The following SATB2 variants were observed in gnomAD, a reference collection of about 807,000 sequenced individuals.
The protein encoded by SATB2 is SATB homeobox 2.
A neutral mutation model predicts 73.4 loss-of-function variants in SATB2; 1 was observed. The ratio of observed to expected loss-of-function variants is 0.01; its 90% CI spans 0.00 to 0.06. SATB2 has a LOEUF of 0.06. Among genes scored for constraint, SATB2 ranks in the 10% least tolerant of loss-of-function variants. The pLI, the probability that SATB2 is intolerant of heterozygous loss-of-function variation, is 1.00. For synonymous variants in SATB2, 397 were observed against 367.0 expected (o/e 1.08, Z -0.93); for missense variants, 459 against 945.8 (o/e 0.49, Z 6.75).
intron 3 of SATB2, among the ~76,000 whole-genome samples, chr2:199,402,110 G>A (rs1372334491): frequency 6.6e-6 from 1 of 152,096 alleles, no homozygotes; most frequent in Non-Finnish European, 1.5e-5. Context: ...TTATTGGCTG[G>A]GCACGGTGGC....
chr2:199,466,527 A>G (rs1173648883), upstream of SATB2, among the ~76,000 whole-genome samples: 3 of 152,126 alleles, frequency 2.0e-5, no homozygotes, highest in South Asian at 4.1e-4. Flanking sequence ...GGAAGTTGAG[A>G]TCAGTGGCAG....
intron 10 of SATB2, among the ~76,000 whole-genome samples, chr2:199,301,351 C>T (rs1051932456): frequency 3.9e-5 from 6 of 152,016 alleles, no homozygotes; most frequent in East Asian, 3.9e-4. Flanking sequence ...TATTCTTCTA[C>T]CCTGGTAACT....
At chr2:199,367,707 T>C (rs1388816930) in intron 6 of SATB2, among the ~76,000 whole-genome samples, 1 of 152,138 alleles carries the variant, frequency 6.6e-6, no homozygotes, top group Non-Finnish European at 1.5e-5. Flanking sequence ...ATGCAAAACA[T>C]GGACTGGAAG....
At chr2:199,297,929 T>G (rs936630172) in intron 10 of SATB2, among the ~76,000 whole-genome samples, 3 of 67,736 alleles carry the variant, frequency 4.4e-5, no homozygotes, top group African/African-American at 1.1e-4. Context: ...TTATAATAAC[T>G]TTTAAAAAAA....
intron 7 of SATB2, among the ~76,000 whole-genome samples, chr2:199,334,958 G>C (rs1258471283): frequency 1.3e-5 from 2 of 151,992 alleles, no homozygotes; most frequent in African/African-American, 4.8e-5. Flanking sequence ...CCTGGGTTCT[G>C]TATTCATAAT....
intron 8 of SATB2, among the ~76,000 whole-genome samples, chr2:199,327,975 T>C (rs957198338): frequency 3.3e-5 from 5 of 152,152 alleles, no homozygotes; most frequent in Non-Finnish European, 7.4e-5. Context: ...CAGCCACCTC[T>C]ACCCCATCCA....
chr2:199,452,647 G>A (rs1284822870), intron 2 of SATB2, among the ~76,000 whole-genome samples: 1 of 152,110 alleles, frequency 6.6e-6, no homozygotes. Flanking sequence ...CTAGCTGAGA[G>A]GGGACGCCAA....
intron 3 of SATB2, chr2:199,397,792 G>A: frequency 2.4e-6 from 1 of 422,852 alleles, no homozygotes; most frequent in South Asian, 1.7e-5. Flanking sequence ...CGGAGGCTGA[G>A]GTGGGAGGAT....
rs1688848886 is a variant in SATB2, at chr2:199,352,509, T to C, written c.701-3336A>G. 5.3e-5 allele frequency among the ~76,000 whole-genome samples: 8 copies of C among 152,188 alleles called. No individual in the cohort carries two copies. In the South Asian group the frequency reaches 1.7e-3, roughly 32 times the overall value. ...CTATCCTTATGAGTTTCCAGGTGGATCCTTATAAATTCTTGTAGTTAAGAA... is the reference window on the plus strand; with the variant it reads ...CTATCCTTATGAGTTTCCAGGTGGACCCTTATAAATTCTTGTAGTTAAGAA... On this transcript the variant is annotated intron_variant, in intron 6 of 10. Transcript: ENST00000417098.
chr2:199,395,114 C>T (rs1322128686), intron 3 of SATB2, among the ~76,000 whole-genome samples: 3 of 151,922 alleles, frequency 2.0e-5, no homozygotes, highest in African/African-American at 7.2e-5. Context: ...CGGAGTCTCA[C>T]TCTGTCGCCA....
In SATB2 at chr2:199,406,029, C is replaced by T. The variant is rs563387597; in HGVS notation, c.347-24209G>A. ...ATACAAATAAAAATACAGTATAACA[C>T]TTACATAGCATTTACATTGTATTAG... On this transcript the variant is annotated intron_variant, in intron 3 of 10. Transcript: ENST00000417098. Among the ~76,000 whole-genome samples the T allele has an allele frequency of 5.3e-5, 8 of 152,150 alleles. No individual in the cohort carries two copies. The East Asian group carries it at 1.5e-3, about 29-fold the overall frequency.
intron 8 of SATB2, chr2:199,325,898 A>G (rs753711198): frequency 6.6e-6 from 1 of 152,210 alleles, no homozygotes; most frequent in Non-Finnish European, 1.5e-5. Context: ...TTGTTTTGTC[A>G]TTATTAAGTA....
At chr2:199,274,829 C>T (rs1692261668) in intron 10 of SATB2, among the ~76,000 whole-genome samples, 1 of 123,940 alleles carries the variant, frequency 8.1e-6, no homozygotes, top group Non-Finnish European at 1.6e-5. Context: ...AGCAGAGCTC[C>T]AGGGATGGGG....
chr2:199,358,326 T>C lies in SATB2; in HGVS notation c.701-9153A>G, dbSNP rs1221760324. 3.3e-5 allele frequency among the ~76,000 whole-genome samples: 5 copies of C among 152,138 alleles called. No homozygotes were observed. In the East Asian group the frequency reaches 7.7e-4, roughly 23 times the overall value. ...AAAATTCTGTTAATACAAACACAGA[T>C]GGACATGATTGCAGTAGCCAAAGCT... On this transcript the variant is annotated intron_variant, in intron 6 of 10. Coordinates refer to ENST00000417098, the MANE Select transcript of SATB2 (RefSeq NM_001172509.2).
chr2:199,326,750 A>C (rs907876464), intron 8 of SATB2, among the ~76,000 whole-genome samples: 1 of 152,196 alleles, frequency 6.6e-6, no homozygotes, highest in African/African-American at 2.4e-5. Flanking sequence ...TTACTAGCTC[A>C]GTATGTATGT....
intron 1 of SATB2, 144 bp from the exon 2 acceptor site, chr2:199,456,240 C>A (rs1200126122): frequency 2.9e-5 from 19 of 651,870 alleles, no homozygotes; most frequent in African/African-American, 7.2e-5. Flanking sequence ...GGGCCCGAGC[C>A]GGGAAGCCGG....
chr2:199,334,461 G>A (rs994982988), intron 7 of SATB2, among the ~76,000 whole-genome samples: 2 of 152,038 alleles, frequency 1.3e-5, no homozygotes, highest in African/African-American at 2.4e-5. Context: ...CCATTTTACA[G>A]ATTAAAATTA....
intron 3 of SATB2, among the ~76,000 whole-genome samples, chr2:199,422,447 T>C (rs1022556991): frequency 1.3e-5 from 2 of 152,138 alleles, no homozygotes. Flanking sequence ...CCATCCATGA[T>C]AGCAAGTTCA....
chr2:199,363,844 T>C (rs1222188735), intron 6 of SATB2, among the ~76,000 whole-genome samples: 1 of 152,190 alleles, frequency 6.6e-6, no homozygotes, highest in Non-Finnish European at 1.5e-5. Context: ...AGATACAACA[T>C]AGGCAGAGGG....
Sources: gnomAD v4.1 joint callset for allele counts (sites outside exome capture counted in the v4.1 genomes callset) on GRCh38, gnomAD v4.1.1 for gene constraint, MANE v1.5 for transcripts, NCBI Gene and HGNC (gene_info 2026-07-23, HGNC 2026-07-21) for gene names.